SMPD3: variants seen among roughly 807,000 people sequenced by gnomAD.
SMPD3 encodes the protein sphingomyelin phosphodiesterase 3.
Under a neutral mutation model 55.7 loss-of-function variants are expected in SMPD3, and 21 were observed. That is an observed-to-expected ratio of 0.38 (90% CI 0.27 to 0.54). The LOEUF (loss-of-function observed/expected upper bound fraction) is 0.54. Among genes scored for constraint, SMPD3 ranks in the 20% least tolerant of loss-of-function variants. The probability of loss-of-function intolerance (pLI) is 0.80; values close to 1 mark genes in which losing one functional copy is unlikely to be tolerated. For missense variants in SMPD3, 842 were observed against 899.6 expected, an observed-to-expected ratio of 0.94 and a Z score of 0.82; for synonymous variants, 457 against 404.3, an observed-to-expected ratio of 1.13 and a Z score of -1.56.
intron 2 of SMPD3, among the ~76,000 whole-genome samples, chr16:68,380,501 C>A (rs1193931431): frequency 6.6e-6 from 1 of 152,182 alleles, no homozygotes; most frequent in Non-Finnish European, 1.5e-5. Flanking sequence ...CTGGGCCTTG[C>A]AAGTCACCAA....
At chr16:68,363,889 C>T in intron 5 of SMPD3, 23 bp from the exon 6 acceptor site, 3 of 1,547,180 alleles carry the variant, frequency 1.9e-6, no homozygotes, top group Non-Finnish European at 8.7e-7. Context: ...GGAGGAAACG[C>T]TGAGGCACCA....
chr16:68,398,730 A>G (rs1033496964), intron 1 of SMPD3, among the ~76,000 whole-genome samples: 1 of 152,234 alleles, frequency 6.6e-6, no homozygotes, highest in East Asian at 1.9e-4. Context: ...CTCTTAAAAT[A>G]GAATCTCCAT....
At chr16:68,390,538 G>T (rs1191445785) in intron 1 of SMPD3, among the ~76,000 whole-genome samples, 8 of 152,184 alleles carry the variant, frequency 5.3e-5, no homozygotes, top group Admixed American at 5.2e-4. Context: ...GTGCATGCCT[G>T]TAGTCCCAGC....
rs577573826 is a variant in SMPD3, at chr16:68,363,738, G to T, written c.1645+39C>A. 5.9e-6 allele frequency: 9 copies of T among 1,533,416 alleles called. No individual in the cohort carries two copies. The South Asian group carries it at 1.1e-4, about 18-fold the overall frequency. The allele number at this position is 1,533,416 out of a possible 1,614,324, so 95.0% of individuals were successfully genotyped here. A position where few individuals can be genotyped will look rare whatever the true frequency, so the allele number is the denominator to read the frequency against. ...GTGATCTTTGAGGGAAGTCTGTGGG[G>T]AGCCCAGCTCCCATCCTCCTCCCCC... On this transcript the variant is annotated intron_variant, in intron 6 of 8. Coordinates refer to ENST00000219334, the MANE Select transcript of SMPD3 (RefSeq NM_018667.4).
intron 1 of SMPD3, among the ~76,000 whole-genome samples, chr16:68,413,271 G>A (rs902442763): frequency 2.0e-5 from 3 of 152,198 alleles, no homozygotes; most frequent in African/African-American, 7.2e-5. Flanking sequence ...TCTGAGAGGC[G>A]AAGGCCCTTC....
chr16:68,384,745 C>A (rs7200932), intron 2 of SMPD3, among the ~76,000 whole-genome samples: 1 of 151,848 alleles, frequency 6.6e-6, no homozygotes, highest in Non-Finnish European at 1.5e-5. Flanking sequence ...GCTTGTGCCC[C>A]CCACTCCCCC....
intron 1 of SMPD3, among the ~76,000 whole-genome samples, chr16:68,426,786 T>TAA (rs2090439235): frequency 6.6e-6 from 1 of 152,158 alleles, no homozygotes; most frequent in Admixed American, 6.5e-5. Context: ...ACTGGGCTGT[T>TAA]CAACTTTTTA....
chr16:68,369,100 C>T (rs1440560144), intron 3 of SMPD3: 1 of 151,682 alleles, frequency 6.6e-6, no homozygotes, highest in Non-Finnish European at 1.5e-5. Flanking sequence ...GTCTGTAATC[C>T]CAGCTACTTG....
chr16:68,418,275 G>T (rs971930281), intron 1 of SMPD3, among the ~76,000 whole-genome samples: 2 of 150,734 alleles, frequency 1.3e-5, no homozygotes, highest in African/African-American at 4.9e-5. Flanking sequence ...CAGGCAGGTA[G>T]ATACATGACT....
At chr16:68,418,534 G>C (rs1034192884) in intron 1 of SMPD3, among the ~76,000 whole-genome samples, 2 of 152,148 alleles carry the variant, frequency 1.3e-5, no homozygotes, top group Non-Finnish European at 1.5e-5. Flanking sequence ...TCACTTTCCT[G>C]ATAGGGACAT....
In SMPD3 at chr16:68,402,955, G is replaced by A. The variant is rs141802962; in HGVS notation, c.-268-16296C>T. ...GCTGACTTGCTGGAGGGGAAGCTTC[G>A]CTTCTATAATGATGATGAGCTAGTC... is the stretch of plus-strand genomic sequence containing the variant. On this transcript the variant is annotated intron_variant, in intron 1 of 8. Coordinates refer to ENST00000219334, the MANE Select transcript of SMPD3 (RefSeq NM_018667.4). 1.4e-3 allele frequency among the ~76,000 whole-genome samples: 214 copies of A among 152,334 alleles called. 1 individual carries two copies. The highest frequency in any genetic ancestry group is 4.5e-3 in the African/African-American group (188 of 41,576).
At chr16:68,367,095 G>T (rs929587629) in intron 3 of SMPD3, among the ~76,000 whole-genome samples, 5 of 152,174 alleles carry the variant, frequency 3.3e-5, no homozygotes, top group African/African-American at 9.7e-5. Context: ...TTGGACCTGG[G>T]GGGCGGAGGT....
chr16:68,380,617 C>G (rs1235792074), intron 2 of SMPD3, among the ~76,000 whole-genome samples: 1 of 152,024 alleles, frequency 6.6e-6, no homozygotes, highest in East Asian at 1.9e-4. Context: ...CACCTCTGCC[C>G]TTCATAGGAA....
chr16:68,426,991 C>CT (rs56214206), intron 1 of SMPD3, among the ~76,000 whole-genome samples: 3,805 of 112,096 alleles, frequency 0.034, 268 homozygotes, highest in African/African-American at 0.1. Context: ...TCAGGTCTAT[C>CT]TTTTTTTTTT....
chr16:68,417,395 C>T (rs544005252), intron 1 of SMPD3, among the ~76,000 whole-genome samples: 1 of 152,308 alleles, frequency 6.6e-6, no homozygotes, highest in African/African-American at 2.4e-5. Context: ...TTGATAGCCT[C>T]TTACCCCACT....
intron 1 of SMPD3, among the ~76,000 whole-genome samples, chr16:68,439,494 G>A (rs1303941): frequency 0.69 from 105,173 of 152,164 alleles, 38,301 homozygotes; most frequent in East Asian, 0.88. Context: ...ACTGGTACTT[G>A]GTACCTGAAA....
intron 1 of SMPD3, among the ~76,000 whole-genome samples, chr16:68,396,338 C>A (rs1387581731): frequency 6.6e-6 from 1 of 152,228 alleles, no homozygotes; most frequent in Non-Finnish European, 1.5e-5. Context: ...CCCCAGTGAC[C>A]AGGCCCTGCC....
intron 1 of SMPD3, among the ~76,000 whole-genome samples, chr16:68,390,702 A>G (rs2090103667): frequency 6.6e-6 from 1 of 152,162 alleles, no homozygotes; most frequent in Non-Finnish European, 1.5e-5. Flanking sequence ...CCTTCTGGGA[A>G]TGCAGCCCAG....
intron 3 of SMPD3, chr16:68,368,457 A>G (rs1311664695): frequency 6.5e-6 from 1 of 153,158 alleles, no homozygotes; most frequent in Non-Finnish European, 1.5e-5. Flanking sequence ...AGCAGGGCTG[A>G]TGCAGAGGAG....
Sources: gnomAD v4.1 joint callset for allele counts (sites outside exome capture counted in the v4.1 genomes callset) on GRCh38, gnomAD v4.1.1 for gene constraint, MANE v1.5 for transcripts, NCBI Gene and HGNC (gene_info 2026-07-23, HGNC 2026-07-21) for gene names.